Variants in CELF4 observed in about 807,000 individuals in gnomAD.
CELF4 encodes the protein CUGBP Elav-like family member 4, also known as CUG-BP- and ETR-3-like factor 4.
In CELF4, 18 loss-of-function variants were observed where a neutral mutation model predicts 59.9. That is an observed-to-expected ratio of 0.30 (90% CI 0.21 to 0.45). The LOEUF (loss-of-function observed/expected upper bound fraction) is 0.45, where lower values mean the gene tolerates loss of function less well. CELF4 is among the 20% of genes least tolerant of loss of function. CELF4 has a pLI of 1.00. For missense variants in CELF4, 456 were observed against 689.0 expected, an observed-to-expected ratio of 0.66 and a Z score of 3.79; for synonymous variants, 261 against 267.1, an observed-to-expected ratio of 0.98 and a Z score of 0.22.
chr18:37,344,516 C>T (rs2098176495), intron 2 of CELF4, among the ~76,000 whole-genome samples: 1 of 152,250 alleles, frequency 6.6e-6, no homozygotes, highest in African/African-American at 2.4e-5. Flanking sequence ...AGCATTATAC[C>T]TTGGCTATAG....
At chr18:37,313,180 C>T (rs889339134) in intron 3 of CELF4, among the ~76,000 whole-genome samples, 1 of 152,174 alleles carries the variant, frequency 6.6e-6, no homozygotes, top group African/African-American at 2.4e-5. Flanking sequence ...GAGTCCAAAC[C>T]AACACCAAAT....
Position 37,457,285 on chromosome 18 carries a change from G to A in CELF4, c.369+28240C>T, listed in dbSNP as rs180804135. Among the ~76,000 whole-genome samples the A allele has an allele frequency of 4.8e-4, 73 of 152,266 alleles. 1 individual carries two copies. Among genetic ancestry groups the A allele is most frequent in the South Asian group, 3.9e-3 (19 of 4,820 alleles). On this transcript the variant is annotated intron_variant, in intron 2 of 12. Coordinates refer to ENST00000420428, the MANE Select transcript of CELF4 (RefSeq NM_020180.4). ...GGCCCCTCGCTGCCAGCTAGGCCAT[G>A]GCTGAATCTAGCAGGGCTTCCTCCT... is the stretch of plus-strand genomic sequence containing the variant.
intron 2 of CELF4, among the ~76,000 whole-genome samples, chr18:37,442,064 G>C (rs2099729920): frequency 6.6e-6 from 1 of 152,126 alleles, no homozygotes; most frequent in East Asian, 1.9e-4. Flanking sequence ...TTCCTTTATT[G>C]GGTGCCCCAC....
intron 2 of CELF4, among the ~76,000 whole-genome samples, chr18:37,373,225 GGCCCTTTCTCACT>G (rs1336666992): frequency 1.3e-5 from 2 of 152,208 alleles, no homozygotes; most frequent in Non-Finnish European, 2.9e-5. Context: ...GGTGAAGACT[GGCCCTTTCTCACT>G]GCTGGTTCCC....
chr18:37,397,812 A>C (rs892843846), intron 2 of CELF4, among the ~76,000 whole-genome samples: 1 of 152,146 alleles, frequency 6.6e-6, no homozygotes, highest in African/African-American at 2.4e-5. Flanking sequence ...TGGGGCTCGA[A>C]CCCAAATCTC....
intron 2 of CELF4, among the ~76,000 whole-genome samples, chr18:37,441,610 G>A (rs555374174): frequency 4.6e-5 from 7 of 152,264 alleles, no homozygotes; most frequent in Middle Eastern, 3.4e-3. Context: ...GGCAGCCAGG[G>A]ACTATTATCT....
At chr18:37,518,982 T>C (rs972990706) in intron 1 of CELF4, among the ~76,000 whole-genome samples, 52 of 152,190 alleles carry the variant, frequency 3.4e-4, no homozygotes, top group Non-Finnish European at 6.9e-4. Flanking sequence ...GATCATGCAT[T>C]CTGCCCCCTC....
chr18:37,558,854 G>A (rs149381200), intron 1 of CELF4, among the ~76,000 whole-genome samples: 186 of 151,258 alleles, frequency 1.2e-3, no homozygotes, highest in African/African-American at 4.1e-3. Flanking sequence ...AAGGAAAGTC[G>A]CCTGGAATAC....
intron 2 of CELF4, among the ~76,000 whole-genome samples, chr18:37,385,354 C>CAAA (rs34504926): frequency 2.4e-3 from 237 of 100,276 alleles, no homozygotes; most frequent in East Asian, 4.0e-3. Context: ...GACTCCATCT[C>CAAA]AAAAAAAAAA....
intron 3 of CELF4, among the ~76,000 whole-genome samples, chr18:37,278,072 C>CT (rs762170311): frequency 6.6e-5 from 10 of 152,188 alleles, no homozygotes; most frequent in Non-Finnish European, 1.3e-4. Flanking sequence ...CAGCCACTTC[C>CT]TTTTTTGCCG....
At chr18:37,308,529 C>T (rs2096530945) in intron 3 of CELF4, among the ~76,000 whole-genome samples, 1 of 152,206 alleles carries the variant, frequency 6.6e-6, no homozygotes, top group African/African-American at 2.4e-5. Context: ...CGGCTGATCT[C>T]CCTGCCCCCA....
intron 1 of CELF4, among the ~76,000 whole-genome samples, chr18:37,521,460 G>A (rs1245359533): frequency 6.6e-6 from 1 of 152,076 alleles, no homozygotes; most frequent in Non-Finnish European, 1.5e-5. Context: ...TTAAGGGTTG[G>A]CTGATTGATA....
At chr18:37,367,845 C>T (rs181076275) in intron 2 of CELF4, among the ~76,000 whole-genome samples, 21 of 152,320 alleles carry the variant, frequency 1.4e-4, no homozygotes, top group South Asian at 2.1e-4. Flanking sequence ...TCTCTCCTAA[C>T]GCTGCTGCGT....
chr18:37,443,488 A>G (rs1362857387), intron 2 of CELF4, among the ~76,000 whole-genome samples: 1 of 152,054 alleles, frequency 6.6e-6, no homozygotes, highest in Non-Finnish European at 1.5e-5. Flanking sequence ...CCACCACCGA[A>G]GTGTGTGCAT....
intron 2 of CELF4, among the ~76,000 whole-genome samples, chr18:37,485,292 G>A (rs1332115697): frequency 6.6e-6 from 1 of 151,678 alleles, no homozygotes; most frequent in Non-Finnish European, 1.5e-5. Flanking sequence ...CCCGCCCCAG[G>A]CTGCCCGCGC....
intron 8 of CELF4, among the ~76,000 whole-genome samples, chr18:37,270,012 A>T (rs1161499846): frequency 6.6e-6 from 1 of 152,160 alleles, no homozygotes; most frequent in Non-Finnish European, 1.5e-5. Context: ...TTTCCCTTGT[A>T]GTTTACTAGA....
intron 1 of CELF4, among the ~76,000 whole-genome samples, chr18:37,513,739 A>G (rs1200064607): frequency 6.6e-6 from 1 of 152,050 alleles, no homozygotes; most frequent in Non-Finnish European, 1.5e-5. Flanking sequence ...CCTCCCTAGC[A>G]CTTTCTGCTT....
chr18:37,270,678 G>A (rs1446884823), intron 8 of CELF4, 90 bp downstream of exon 8: 106 of 1,476,526 alleles, frequency 7.2e-5, no homozygotes, highest in Non-Finnish European at 9.7e-5. Flanking sequence ...CAGAGGGCAG[G>A]AGCCACATCT....
At chr18:37,339,987 C>G (rs892208060) in intron 2 of CELF4, among the ~76,000 whole-genome samples, 10 of 152,188 alleles carry the variant, frequency 6.6e-5, no homozygotes, top group Non-Finnish European at 1.5e-5. Context: ...ACCCCACCTG[C>G]CATCAGCGCA....
Sources: allele counts gnomAD v4.1 joint callset (sites outside exome capture counted in the v4.1 genomes callset), GRCh38; gene constraint gnomAD v4.1.1; transcripts MANE v1.5; gene names NCBI Gene and HGNC (gene_info 2026-07-23, HGNC 2026-07-21).